Variants in TSG101 observed in about 807,000 individuals in gnomAD.
TSG101 encodes the protein tumor susceptibility 101.
Under a neutral mutation model 48.5 loss-of-function variants are expected in TSG101, and 19 were observed. The ratio of observed to expected loss-of-function variants is 0.39; its 90% confidence interval spans 0.27 to 0.58. The LOEUF is 0.58. Among genes scored for constraint, TSG101 ranks in the 20% least tolerant of loss-of-function variants. TSG101 has a pLI of 0.55. For synonymous variants in TSG101, 174 were observed against 169.4 expected, an observed-to-expected ratio of 1.03 and a Z score of -0.21; for missense variants, 365 against 484.4, an observed-to-expected ratio of 0.75 and a Z score of 2.31.
At chr11:18,522,820 G>A (rs1850301399) in intron 1 of TSG101, among the ~76,000 whole-genome samples, 1 of 152,138 alleles carries the variant, frequency 6.6e-6, no homozygotes, top group Non-Finnish European at 1.5e-5. Flanking sequence ...TATCATGCAT[G>A]ACAAACTTCT....
chr11:18,515,949 G>C, intron 3 of TSG101, 150 bp downstream of exon 3: 1 of 601,314 alleles, frequency 1.7e-6, no homozygotes, highest in South Asian at 3.4e-5. Context: ...AGGTGTTACT[G>C]CCAAATGAAC....
At chr11:18,509,509 T>A (rs773747582) in intron 5 of TSG101, 33 bp downstream of exon 5, 1 of 1,599,822 alleles carries the variant, frequency 6.3e-7, no homozygotes, top group East Asian at 2.2e-5. Flanking sequence ...TTTGTTTATA[T>A]GAGTTTTAAA....
At chr11:18,522,921 G>C (rs1850302582) in intron 1 of TSG101, among the ~76,000 whole-genome samples, 1 of 152,028 alleles carries the variant, frequency 6.6e-6, no homozygotes, top group Non-Finnish European at 1.5e-5. Context: ...ACAGGATCTT[G>C]CTCTGTCACC....
chr11:18,506,627 T>G (rs1233402168), intron 6 of TSG101, among the ~76,000 whole-genome samples: 2 of 151,878 alleles, frequency 1.3e-5, no homozygotes, highest in African/African-American at 4.8e-5. Context: ...GAAGTAGAGG[T>G]TGCAGTGAGC....
chr11:18,492,571 C>A (rs1849714130), intron 7 of TSG101, among the ~76,000 whole-genome samples: 1 of 151,930 alleles, frequency 6.6e-6, no homozygotes, highest in African/African-American at 2.4e-5. Flanking sequence ...CAAATAAGTC[C>A]TTGCCAAGAC....
chr11:18,508,004 G>C (rs1850003052), intron 5 of TSG101: 1 of 151,468 alleles, frequency 6.6e-6, no homozygotes, highest in Middle Eastern at 3.4e-3. Context: ...TGAGGCTCGA[G>C]AATCACTTGA....
At chr11:18,512,372 A>G (rs983131360) in intron 4 of TSG101, among the ~76,000 whole-genome samples, 1 of 152,148 alleles carries the variant, frequency 6.6e-6, no homozygotes, top group Non-Finnish European at 1.5e-5. Flanking sequence ...CTTAATCTCT[A>G]TTATTCTATT....
intron 4 of TSG101, among the ~76,000 whole-genome samples, chr11:18,509,882 A>C (rs1454191380): frequency 6.6e-6 from 1 of 152,160 alleles, no homozygotes; most frequent in African/African-American, 2.4e-5. Flanking sequence ...TAAAAATAGC[A>C]CTAGTTAAAG....
intron 7 of TSG101, among the ~76,000 whole-genome samples, chr11:18,500,129 A>G (rs1241874781): frequency 2.6e-5 from 4 of 152,090 alleles, no homozygotes; most frequent in Non-Finnish European, 5.9e-5. Context: ...TTTATTTCCA[A>G]TTCCATCCAT....
intron 8 of TSG101, 122 bp from the exon 9 acceptor site, chr11:18,481,991 T>C (rs901839753): frequency 1.5e-6 from 2 of 1,355,068 alleles, no homozygotes; most frequent in Middle Eastern, 2.7e-4. Flanking sequence ...TGGATGAGAA[T>C]AATGTTTCAA....
chr11:18,515,520 A>C (rs1343929241), intron 3 of TSG101, among the ~76,000 whole-genome samples: 1 of 152,226 alleles, frequency 6.6e-6, no homozygotes, highest in Admixed American at 6.5e-5. Context: ...ATTATCTATC[A>C]TTAGCATTAT....
chr11:18,503,812 T>A (rs182277127), intron 6 of TSG101, among the ~76,000 whole-genome samples: 1 of 152,272 alleles, frequency 6.6e-6, no homozygotes, highest in African/African-American at 2.4e-5. Flanking sequence ...GGCCACCTGG[T>A]TAGTTAGACA....
chr11:18,500,973 G>T (rs1849877534), intron 7 of TSG101, among the ~76,000 whole-genome samples: 1 of 151,948 alleles, frequency 6.6e-6, no homozygotes, highest in African/African-American at 2.4e-5. Context: ...CCAGATTTTT[G>T]CATTTTTAGT....
intron 5 of TSG101, chr11:18,507,531 A>T (rs975775244): frequency 6.6e-6 from 1 of 152,258 alleles, no homozygotes; most frequent in Non-Finnish European, 1.5e-5. Context: ...GCAAGCTTAA[A>T]GAATACTTTA....
At chr11:18,516,043 C>T (rs1850164022) in intron 3 of TSG101, 56 bp downstream of exon 3, 1 of 1,484,464 alleles carries the variant, frequency 6.7e-7, no homozygotes, top group Non-Finnish European at 9.3e-7. Flanking sequence ...TCTTTGGCAA[C>T]ATATTTATTA....
At chr11:18,486,561 C>A (rs867504025) in intron 7 of TSG101, among the ~76,000 whole-genome samples, 51 of 152,152 alleles carry the variant, frequency 3.4e-4, no homozygotes, top group African/African-American at 1.2e-3. Flanking sequence ...ATCAAAACCA[C>A]AATGAGATAC....
intron 3 of TSG101, 129 bp from the exon 4 acceptor site, chr11:18,514,970 C>A (rs756707264): frequency 1.4e-5 from 12 of 835,628 alleles, no homozygotes; most frequent in Non-Finnish European, 2.0e-5. Context: ...TTCCTATTTC[C>A]CCCAGCAGAA....
chr11:18,488,524 A>AAT (rs1018666886), intron 7 of TSG101, among the ~76,000 whole-genome samples: 18 of 152,212 alleles, frequency 1.2e-4, no homozygotes, highest in African/African-American at 4.3e-4. Context: ...GGCCAGCCTC[A>AAT]ATACAGGGAG....
chr11:18,523,014 C>CGGTTGGGG (rs1210334838), intron 1 of TSG101, among the ~76,000 whole-genome samples: 5 of 152,126 alleles, frequency 3.3e-5, no homozygotes, highest in African/African-American at 1.2e-4. Flanking sequence ...CTCAGCCTCC[C>CGGTTGGGG]AACCAGCTGG....
Sources: allele counts gnomAD v4.1 joint callset (sites outside exome capture counted in the v4.1 genomes callset), GRCh38; gene constraint gnomAD v4.1.1; transcripts MANE v1.5; gene names NCBI Gene and HGNC (gene_info 2026-07-23, HGNC 2026-07-21).